The following SPACA1 variants were observed in gnomAD, a reference collection of about 807,000 sequenced individuals.
The protein encoded by SPACA1 is sperm acrosome membrane-associated protein 1.
SPACA1 carries 17 observed loss-of-function variants against 32.6 expected under a neutral mutation model. The observed-to-expected ratio is 0.52, with a 90% CI of 0.36 to 0.78. The LOEUF is 0.78. Ranked by LOEUF, SPACA1 falls within the 30% of genes least tolerant of loss-of-function variation. The pLI is 0.01. For synonymous variants in SPACA1, 140 were observed against 138.1 expected, an observed-to-expected ratio of 1.01 and a Z score of -0.10; for missense variants, 363 against 373.4, an observed-to-expected ratio of 0.97 and a Z score of 0.23.
At chr6:88,061,616 G>C (rs1043354178) in intron 5 of SPACA1, among the ~76,000 whole-genome samples, 3 of 152,186 alleles carry the variant, frequency 2.0e-5, no homozygotes, top group Non-Finnish European at 4.4e-5. Context: ...GAAGCTGTAA[G>C]AGACAAGGAA....
At chr6:88,057,861 A>G in intron 3 of SPACA1, 148 bp downstream of exon 3, 1 of 640,184 alleles carries the variant, frequency 1.6e-6, no homozygotes, top group East Asian at 2.8e-5. Flanking sequence ...CACTTCTTCA[A>G]ACAGTTATAG....
intron 3 of SPACA1, 104 bp downstream of exon 3, chr6:88,057,817 A>G (rs1043913702): frequency 1.3e-6 from 1 of 791,366 alleles, no homozygotes; most frequent in Non-Finnish European, 2.2e-6. Flanking sequence ...CAACCAGTTG[A>G]CATACTCAAA....
rs201338817 is a variant in SPACA1 at position 88,059,521 on chromosome 6, C to A, written c.543C>A (p.Phe181Leu). 9 of 1,613,240 alleles carry A rather than the reference C, an allele frequency of 5.6e-6. No homozygotes were observed. The highest frequency in any genetic ancestry group is 6.8e-6 in the Non-Finnish European group (8 of 1,179,600). Reference sequence around the variant, plus strand: ...GCAAGGAAAGTCACCCCTTGGCTTTCGAGTGTGACACACTGGATAATAATG... The same window carrying A: ...GCAAGGAAAGTCACCCCTTGGCTTTAGAGTGTGACACACTGGATAATAATG... ...EVRKESHPLA[F>L]ECDTLDNNEI... Residue 181 changes from phenylalanine to leucine, a missense_variant, in exon 5 of 7, where the codon TTC (phenylalanine) becomes TTA (leucine). Phe to Leu is a conservative substitution (Grantham distance 22). Coordinates refer to ENST00000237201, the MANE Select transcript of SPACA1 (RefSeq NM_030960.3).
chr6:88,066,064 A>C, intron 6 of SPACA1, 118 bp from the exon 7 acceptor site: 1 of 675,690 alleles, frequency 1.5e-6, no homozygotes. Context: ...TAATATATAC[A>C]TACAGGTAAT....
At chr6:88,047,147 G>A (rs545711107), upstream of SPACA1, among the ~76,000 whole-genome samples, 1 of 152,276 alleles carries the variant, frequency 6.6e-6, no homozygotes, top group South Asian at 2.1e-4. Flanking sequence ...AGGCTTCTTC[G>A]TTAACCTTGA....
At chr6:88,051,948 A>C (rs796381546) in intron 1 of SPACA1, among the ~76,000 whole-genome samples, 6 of 152,334 alleles carry the variant, frequency 3.9e-5, no homozygotes, top group African/African-American at 1.4e-4. Context: ...CCATGTTGAC[A>C]CCAACTGGTT....
chr6:88,058,193 A>C (rs1775838986), intron 3 of SPACA1, among the ~76,000 whole-genome samples: 1 of 152,194 alleles, frequency 6.6e-6, no homozygotes. Flanking sequence ...GTCAATTACA[A>C]CTTATTCTGC....
intron 5 of SPACA1, among the ~76,000 whole-genome samples, chr6:88,062,641 A>C (rs1469861503): frequency 6.6e-6 from 1 of 152,050 alleles, no homozygotes; most frequent in African/African-American, 2.4e-5. Flanking sequence ...CATGGGAGAG[A>C]ATGCTTGAGG....
intron 1 of SPACA1, 22 bp downstream of exon 1, chr6:88,048,135 C>A (rs1478524912): frequency 1.3e-6 from 2 of 1,561,248 alleles, no homozygotes; most frequent in Non-Finnish European, 8.7e-7. Flanking sequence ...AGCTCCCTTG[C>A]GGGGCACGCG....
upstream of SPACA1, among the ~76,000 whole-genome samples, chr6:88,047,538 G>T (rs1297063755): frequency 3.3e-5 from 5 of 152,196 alleles, no homozygotes; most frequent in Non-Finnish European, 7.4e-5. Flanking sequence ...CGAGGAGGCT[G>T]AAGAGTCGCT....
Position 88,048,851 on chromosome 6 carries a change from A to G in SPACA1, c.208+738A>G, listed in dbSNP as rs577652426. Among the ~76,000 whole-genome samples, 138 of 152,222 alleles carry G rather than the reference A, an allele frequency of 9.1e-4. 6 individuals are homozygous for G. Among genetic ancestry groups the G allele is most frequent in the Non-Finnish European group, 3.4e-4 (23 of 68,044 alleles). On this transcript the variant is annotated intron_variant, in intron 1 of 6. Transcript: ENST00000237201. ...TGTTGTACATGTCATATTGATTAGT[A>G]ACTCACATTCTAGCAGGTAGAAGGT...
In SPACA1 at chr6:88,066,686, A is replaced by C. The variant is rs572869231; in HGVS notation, c.*351A>C. 6.4e-6 allele frequency: 1 copy of C among 155,962 alleles called. No individual in the cohort carries two copies. Among genetic ancestry groups the C allele is most frequent in the South Asian group, 2.0e-4 (1 of 4,932 alleles). 9.7% of individuals were successfully genotyped at this position (155,962 alleles called of 1,614,324 possible). A position where few individuals can be genotyped will look rare whatever the true frequency, so the allele number is the denominator to read the frequency against. The stretch of plus-strand genomic sequence containing the variant: ...ACAATGTAATATAGAAATGCTTTAC[A>C]TATTAGACTTTCTCTCCCCTGGAAG... On this transcript the variant is annotated 3_prime_UTR_variant, in exon 7 of 7. Coordinates refer to ENST00000237201, the MANE Select transcript of SPACA1 (RefSeq NM_030960.3).
At chr6:88,065,439 TAC>T (rs1279236393) in intron 6 of SPACA1, among the ~76,000 whole-genome samples, 3 of 148,112 alleles carry the variant, frequency 2.0e-5, no homozygotes, top group Non-Finnish European at 4.5e-5. Flanking sequence ...ATAATATATA[TAC>T]CATATATACT....
intron 5 of SPACA1, among the ~76,000 whole-genome samples, chr6:88,063,199 C>A (rs992688650): frequency 6.6e-5 from 10 of 152,152 alleles, no homozygotes; most frequent in Non-Finnish European, 1.2e-4. Context: ...TACGACCCAG[C>A]AATTCTATTA....
chr6:88,052,913 T>C (rs143578135), intron 1 of SPACA1, among the ~76,000 whole-genome samples: 1 of 152,318 alleles, frequency 6.6e-6, no homozygotes, highest in Non-Finnish European at 1.5e-5. Flanking sequence ...TTTGAGATTT[T>C]ACAGTTATCA....
At chr6:88,059,672 A>G (rs1193286492) in intron 5 of SPACA1, 84 bp downstream of exon 5, 40 of 1,343,668 alleles carry the variant, frequency 3.0e-5, no homozygotes, top group East Asian at 5.1e-5. Flanking sequence ...TTAAAACACC[A>G]GTCTCTAGCC....
intron 1 of SPACA1, 53 bp downstream of exon 1, chr6:88,048,166 A>G: frequency 6.6e-7 from 1 of 1,508,514 alleles, no homozygotes; most frequent in Non-Finnish European, 9.0e-7. Flanking sequence ...TTGACGGAGC[A>G]AAGGCCTGCT....
At chr6:88,060,915 A>G (rs1210625119) in intron 5 of SPACA1, among the ~76,000 whole-genome samples, 1 of 152,238 alleles carries the variant, frequency 6.6e-6, no homozygotes, top group Non-Finnish European at 1.5e-5. Flanking sequence ...CTTTATTGAG[A>G]CAAAGTTAAC....
At chr6:88,064,252 G>A (rs557866116) in intron 6 of SPACA1, 33 bp downstream of exon 6, 4 of 1,593,152 alleles carry the variant, frequency 2.5e-6, no homozygotes, top group South Asian at 2.3e-5. Flanking sequence ...CATCACCCTT[G>A]ATTGACATCC....
Sources: allele counts gnomAD v4.1 joint callset (sites outside exome capture counted in the v4.1 genomes callset), GRCh38; gene constraint gnomAD v4.1.1; transcripts MANE v1.5; gene names NCBI Gene and HGNC (gene_info 2026-07-23, HGNC 2026-07-21).